ATP10A: variants seen among roughly 807,000 people sequenced by gnomAD.
The protein encoded by ATP10A is phospholipid-transporting ATPase VA.
A neutral mutation model predicts 147.8 loss-of-function variants in ATP10A; 111 were observed. The ratio of observed to expected loss-of-function variants is 0.75; its 90% CI spans 0.64 to 0.88. The LOEUF is 0.88. Among genes scored for constraint, ATP10A ranks in the 40% least tolerant of loss-of-function variants. ATP10A has a pLI of 0.00. For synonymous variants in ATP10A, 875 were observed against 841.6 expected (o/e 1.04, Z -0.69); for missense variants, 1,927 against 1,959.0 (o/e 0.98, Z 0.31).
Position 25,847,609 on chromosome 15 carries a change from C to CTTTTTTTTTTTTT in ATP10A, c.449+15026_449+15038dup, listed in dbSNP as rs34212354. ...CCTAGCTAATTCAAACAGCTACAGC[C>CTTTTTTTTTTTTT]TTTTTTTTTTTTTTTTTTTTTTTTT... On this transcript the variant is annotated intron_variant, in intron 1 of 20. Coordinates refer to ENST00000555815, the MANE Select transcript of ATP10A (RefSeq NM_024490.4). Among the ~76,000 whole-genome samples, 2 of 40,738 alleles carry CTTTTTTTTTTTTT rather than the reference C, an allele frequency of 4.9e-5. 1 individual carries two copies. The highest frequency in any genetic ancestry group is 1.0e-4 in the Non-Finnish European group (2 of 19,914). 26.7% of individuals were successfully genotyped at this position (40,738 alleles called of 152,430 possible). A position where few individuals can be genotyped will look rare whatever the true frequency, so the allele number is the denominator to read the frequency against.
intron 2 of ATP10A, among the ~76,000 whole-genome samples, chr15:25,740,268 A>G (rs1230063962): frequency 6.6e-6 from 1 of 152,262 alleles, no homozygotes; most frequent in East Asian, 1.9e-4. Flanking sequence ...TATCATAAAA[A>G]AACTAAAGTA....
chr15:25,861,967 C>T (rs1033665368), intron 1 of ATP10A: 8 of 286,998 alleles, frequency 2.8e-5, no homozygotes, highest in African/African-American at 4.6e-5. Context: ...ATCGCAGGGT[C>T]ACCCCTGGTA....
At chr15:25,688,569 A>C (rs1157603945) in intron 15 of ATP10A, among the ~76,000 whole-genome samples, 1 of 150,814 alleles carries the variant, frequency 6.6e-6, no homozygotes, top group African/African-American at 2.4e-5. Context: ...AACCCACTGT[A>C]CAATAAATGT....
intron 1 of ATP10A, among the ~76,000 whole-genome samples, chr15:25,829,500 C>A (rs925978627): frequency 1.3e-5 from 2 of 152,168 alleles, no homozygotes; most frequent in Non-Finnish European, 2.9e-5. Context: ...CATGCCGCCA[C>A]ACAGAAAACA....
chr15:25,838,342 C>A (rs1892675797), intron 1 of ATP10A, among the ~76,000 whole-genome samples: 2 of 152,156 alleles, frequency 1.3e-5, no homozygotes, highest in African/African-American at 4.8e-5. Flanking sequence ...TAGGTGTCTG[C>A]CCAACCCTTA....
chr15:25,861,942 G>C, intron 1 of ATP10A: 1 of 264,426 alleles, frequency 3.8e-6, no homozygotes, highest in South Asian at 3.5e-5. Flanking sequence ...GAGGGAAAAA[G>C]AGCAGGAGTG....
chr15:25,732,133 A>G (rs1445160048), intron 3 of ATP10A, among the ~76,000 whole-genome samples: 2 of 152,112 alleles, frequency 1.3e-5, no homozygotes, highest in African/African-American at 4.8e-5. Context: ...AGGCCTCCCA[A>G]AGGATTACAG....
At chr15:25,696,781 A>C (rs1364094287) in intron 13 of ATP10A, among the ~76,000 whole-genome samples, 1 of 152,216 alleles carries the variant, frequency 6.6e-6, no homozygotes, top group African/African-American at 2.4e-5. Context: ...TGCTCTGAGA[A>C]GATGAGGAAG....
chr15:25,792,640 G>C (rs928289365), intron 1 of ATP10A, among the ~76,000 whole-genome samples: 1 of 152,178 alleles, frequency 6.6e-6, no homozygotes, highest in East Asian at 1.9e-4. Flanking sequence ...CCTGGTGAGG[G>C]TGAGGCCCGC....
chr15:25,732,820 G>T (rs561177790), intron 3 of ATP10A, among the ~76,000 whole-genome samples: 64 of 152,086 alleles, frequency 4.2e-4, no homozygotes, highest in African/African-American at 1.5e-3. Context: ...CTCCCAAAGT[G>T]CTGGGATTAC....
intron 1 of ATP10A, among the ~76,000 whole-genome samples, chr15:25,850,492 G>T (rs1567431915): frequency 6.6e-6 from 1 of 152,214 alleles, no homozygotes; most frequent in Non-Finnish European, 1.5e-5. Flanking sequence ...GAAAGGCCCA[G>T]AAAAAGGGAT....
chr15:25,755,120 A>AT (rs1457653695), intron 2 of ATP10A, among the ~76,000 whole-genome samples: 1 of 152,142 alleles, frequency 6.6e-6, no homozygotes, highest in Non-Finnish European at 1.5e-5. Context: ...CAGTTTCCTT[A>AT]TAAGAACTAC....
chr15:25,695,097 C>G lies in ATP10A; in HGVS notation c.2810G>C (p.Arg937Thr), dbSNP rs750182592. The G allele has an allele frequency of 2.2e-5, 36 of 1,614,042 alleles. No individual in the cohort carries two copies. Among genetic ancestry groups the G allele is most frequent in the Non-Finnish European group, 2.9e-5 (34 of 1,180,028 alleles). Residue 937 changes from arginine (R) to threonine (T), a missense_variant, in exon 14 of 21, where the codon AGA (arginine) becomes ACA (threonine). Transcript: ENST00000555815. ...LDQCLCYVQS[R>T]GLQRAPEKTK... Reference sequence around the variant, plus strand: ...CTTCTCAGGGGCTCTCTGGAGGCCTCTGGACTGCACGTAGCATAGGCACTG... The same window carrying G: ...CTTCTCAGGGGCTCTCTGGAGGCCTGTGGACTGCACGTAGCATAGGCACTG...
intron 2 of ATP10A, among the ~76,000 whole-genome samples, chr15:25,761,480 G>C (rs2140629448): frequency 6.6e-6 from 1 of 152,366 alleles, no homozygotes; most frequent in African/African-American, 2.4e-5. Flanking sequence ...CTAAGTGCCT[G>C]GAAAAGCCAC....
At chr15:25,773,934 C>T (rs894682493) in intron 2 of ATP10A, among the ~76,000 whole-genome samples, 3 of 152,044 alleles carry the variant, frequency 2.0e-5, no homozygotes, top group Non-Finnish European at 4.4e-5. Context: ...TAAGGAAATC[C>T]CTGCTCCAGA....
At chr15:25,846,521 T>G (rs1893030546) in intron 1 of ATP10A, among the ~76,000 whole-genome samples, 1 of 152,068 alleles carries the variant, frequency 6.6e-6, no homozygotes, top group Non-Finnish European at 1.5e-5. Context: ...AGAACTGACA[T>G]GCTCAGCGCA....
At chr15:25,768,785 T>A (rs1339241834) in intron 2 of ATP10A, among the ~76,000 whole-genome samples, 1 of 145,328 alleles carries the variant, frequency 6.9e-6, no homozygotes, top group Non-Finnish European at 1.5e-5. Flanking sequence ...CACCTTGGCC[T>A]CCCAAAGTGC....
chr15:25,753,086 TTG>T (rs1226314894), intron 2 of ATP10A, among the ~76,000 whole-genome samples: 2 of 152,202 alleles, frequency 1.3e-5, no homozygotes, highest in Non-Finnish European at 2.9e-5. Flanking sequence ...CCTGACGATT[TTG>T]TGGTAAGAAC....
In ATP10A at chr15:25,714,131, G is replaced by T. The variant is rs372927287; in HGVS notation, c.1887C>A (p.Ala629=). ...TSGCSSIGSL[A]ANKSSHKLGS... The stretch of plus-strand genomic sequence containing the variant: ...CCAACTTGTGGCTGGACTTGTTGGC[G>T]GCCAGGCTCCCGATGCTGCTGCAGC... Residue 629 remains alanine, a synonymous_variant, in exon 10 of 21, where the codon GCC becomes GCA. Coordinates refer to ENST00000555815, the MANE Select transcript of ATP10A (RefSeq NM_024490.4). 3 of 1,612,442 alleles carry T rather than the reference G, an allele frequency of 1.9e-6. No individual in the cohort carries two copies. Among genetic ancestry groups the T allele is most frequent in the Non-Finnish European group, 2.5e-6 (3 of 1,180,044 alleles).
Sources: gnomAD v4.1 joint callset for allele counts (sites outside exome capture counted in the v4.1 genomes callset) on GRCh38, gnomAD v4.1.1 for gene constraint, MANE v1.5 for transcripts, NCBI Gene and HGNC (gene_info 2026-07-23, HGNC 2026-07-21) for gene names.